Variants in CENPE observed in about 807,000 individuals in gnomAD.
The protein encoded by CENPE is centromere-associated protein E.
CENPE carries 145 observed loss-of-function variants against 336.1 expected under a neutral mutation model. The ratio of observed to expected loss-of-function variants is 0.43; its 90% CI spans 0.38 to 0.50. The LOEUF (loss-of-function observed/expected upper bound fraction) is 0.50. Among genes scored for constraint, CENPE ranks in the 20% least tolerant of loss-of-function variants. CENPE has a pLI of 0.00. For missense variants in CENPE, 2,719 were observed against 3,023.3 expected (o/e 0.90, Z 2.36); for synonymous variants, 1,013 against 984.8 (o/e 1.03, Z -0.54).
chr4:103,165,644 GT>G (rs1314558945), intron 16 of CENPE, among the ~76,000 whole-genome samples: 1 of 152,090 alleles, frequency 6.6e-6, no homozygotes, highest in Non-Finnish European at 1.5e-5. Context: ...TGAACAGGAT[GT>G]TTTTATTACA....
chr4:103,127,992 C>A (rs1011122694), intron 42 of CENPE, among the ~76,000 whole-genome samples: 3 of 151,910 alleles, frequency 2.0e-5, no homozygotes, highest in Non-Finnish European at 2.9e-5. Context: ...CAAAGCAGAT[C>A]AAAAAATAAG....
intron 16 of CENPE, among the ~76,000 whole-genome samples, chr4:103,169,126 T>C (rs1010169422): frequency 4.0e-5 from 6 of 151,482 alleles, no homozygotes; most frequent in South Asian, 2.1e-4. Context: ...ACAGAAATCC[T>C]AGAGCAAGAA....
chr4:103,160,422 GA>G (rs1754341059), intron 21 of CENPE, among the ~76,000 whole-genome samples: 1 of 151,680 alleles, frequency 6.6e-6, no homozygotes, highest in Admixed American at 6.6e-5. Context: ...AATACACCTT[GA>G]AAAAATATAT....
chr4:103,175,855 C>T, intron 15 of CENPE, 105 bp downstream of exon 15: 1 of 686,492 alleles, frequency 1.5e-6, no homozygotes, highest in Non-Finnish European at 2.3e-6. Flanking sequence ...TTCATTAGAG[C>T]CAAAATCATT....
At position 103,110,858 on chromosome 4, in the gene CENPE, T is replaced by C; in HGVS notation, c.7694A>G (p.Gln2565Arg). ...EISKLKQQNE[Q>R]LIKQKNELLS... ...CAATTCATTCTTTTGTTTTATTAGC[T>C]GTTCATTTTGCTGCTTTAACTTAGA... is the stretch of plus-strand genomic sequence containing the variant. The change falls in exon 47 of 49, where the codon CAG (glutamine) becomes CGG (arginine). Residue 2565 changes from glutamine to arginine, a missense_variant. This residue lies in a region of CENPE where 2,437 missense variants were observed against 2,513.3 expected (regional missense o/e 0.97). Coordinates refer to ENST00000265148, the MANE Select transcript of CENPE (RefSeq NM_001813.3). The C allele has an allele frequency of 2.5e-6, 4 of 1,604,734 alleles. No homozygotes were observed. The highest frequency in any genetic ancestry group is 2.5e-6 in the Non-Finnish European group (3 of 1,176,722).
intron 34 of CENPE, 103 bp downstream of exon 34, chr4:103,143,145 G>A (rs898922372): frequency 2.9e-6 from 2 of 695,534 alleles, no homozygotes; most frequent in Non-Finnish European, 2.3e-6. Flanking sequence ...AGGCAAGTAA[G>A]TCTTCACTTG....
At chr4:103,172,388 GAC>G (rs1279737722) in intron 16 of CENPE, among the ~76,000 whole-genome samples, 1 of 151,874 alleles carries the variant, frequency 6.6e-6, no homozygotes, top group African/African-American at 2.4e-5. Flanking sequence ...GAAAAATCAT[GAC>G]AGAGTTCAAT....
chr4:103,141,184 C>G, intron 35 of CENPE, 80 bp from the exon 36 acceptor site: 1 of 825,256 alleles, frequency 1.2e-6, no homozygotes. Context: ...ATTAAGACAA[C>G]TGTCTACCCA....
intron 35 of CENPE, 58 bp from the exon 36 acceptor site, chr4:103,141,162 G>T: frequency 1.0e-6 from 1 of 996,652 alleles, no homozygotes; most frequent in Non-Finnish European, 1.5e-6. Flanking sequence ...ATAAATAATA[G>T]TTTCTAAATT....
chr4:103,174,948 T>A, intron 15 of CENPE, 45 bp from the exon 16 acceptor site: 1 of 1,196,796 alleles, frequency 8.4e-7, no homozygotes, highest in East Asian at 3.1e-5. Flanking sequence ...AATTCAAATA[T>A]TTTTTGTTTC....
At chr4:103,127,809 C>A (rs1751259845) in intron 42 of CENPE, among the ~76,000 whole-genome samples, 1 of 151,808 alleles carries the variant, frequency 6.6e-6, no homozygotes, top group African/African-American at 2.4e-5. Flanking sequence ...AAAATGGAAT[C>A]ATAAAATAAT....
chr4:103,107,704 G>T (rs150712923), intron 48 of CENPE, among the ~76,000 whole-genome samples: 336 of 152,242 alleles, frequency 2.2e-3, no homozygotes, highest in Middle Eastern at 0.01. Flanking sequence ...CAGGTGCCTG[G>T]TGTTGCTGAT....
intron 32 of CENPE, 107 bp downstream of exon 32, chr4:103,144,937 TCCGGTC>T: frequency 1.0e-6 from 1 of 971,934 alleles, no homozygotes; most frequent in East Asian, 2.6e-5. Context: ...CTCTTTTATT[TCCGGTC>T]CCTTTATGAT....
chr4:103,152,144 A>G (rs898367005), intron 25 of CENPE, among the ~76,000 whole-genome samples: 5 of 152,134 alleles, frequency 3.3e-5, no homozygotes, highest in African/African-American at 4.8e-5. Flanking sequence ...AGCAAAAAAA[A>G]AGAGAAACAT....
At position 103,112,726 on chromosome 4, in the gene CENPE, G is replaced by A. The variant is rs1293919927; in HGVS notation, c.7541-1715C>T. ...TATATATACTTATAAGTATATAAGTGTATATATATACTTATAAGTATATAA... is the reference window on the plus strand; with the variant it reads ...TATATATACTTATAAGTATATAAGTATATATATATACTTATAAGTATATAA... On this transcript the variant is annotated intron_variant, in intron 46 of 48. Coordinates refer to ENST00000265148, the MANE Select transcript of CENPE (RefSeq NM_001813.3). Among the ~76,000 whole-genome samples, 151 of 118,982 alleles carry A rather than the reference G, an allele frequency of 1.3e-3. 1 individual carries two copies. The highest frequency in any genetic ancestry group is 1.9e-3 in the Non-Finnish European group (117 of 60,490). The allele number at this position is 118,982 out of a possible 152,430, so 78.1% of individuals were successfully genotyped here. A position where few individuals can be genotyped will look rare whatever the true frequency, so the allele number is the denominator to read the frequency against.
intron 5 of CENPE, 59 bp from the exon 6 acceptor site, chr4:103,194,743 A>C: frequency 7.6e-7 from 1 of 1,315,706 alleles, no homozygotes; most frequent in Non-Finnish European, 1.1e-6. Flanking sequence ...TTTGCTTTTC[A>C]AAAGAAGGTG....
chr4:103,192,885 A>G (rs1399787210), intron 8 of CENPE, among the ~76,000 whole-genome samples: 1 of 152,140 alleles, frequency 6.6e-6, no homozygotes, highest in Non-Finnish European at 1.5e-5. Flanking sequence ...CAAGAACTTG[A>G]GTAAGAAACG....
chr4:103,139,150 G>T (rs184445402), intron 38 of CENPE, among the ~76,000 whole-genome samples: 1,321 of 109,162 alleles, frequency 0.012, 63 homozygotes, highest in Middle Eastern at 0.024. Flanking sequence ...CACTTATCTT[G>T]TTCACTACAG....
intron 16 of CENPE, among the ~76,000 whole-genome samples, chr4:103,168,353 T>C (rs1755102079): frequency 6.6e-6 from 1 of 151,494 alleles, no homozygotes; most frequent in African/African-American, 2.5e-5. Flanking sequence ...TTGTCTTGAC[T>C]GCAGCCCCTC....
Sources: gnomAD v4.1 joint callset for allele counts (sites outside exome capture counted in the v4.1 genomes callset) on GRCh38, gnomAD v4.1.1 for gene constraint, gnomAD v4.1.1 regional missense constraint, MANE v1.5 for transcripts, NCBI Gene and HGNC (gene_info 2026-07-23, HGNC 2026-07-21) for gene names.